The following YBX2 variants were observed in gnomAD, a reference collection of about 807,000 sequenced individuals.
YBX2 encodes Y-box-binding protein 2.
Under a neutral mutation model 44.4 loss-of-function variants are expected in YBX2, and 5 were observed. The ratio of observed to expected loss-of-function variants is 0.11; its 90% CI spans 0.06 to 0.24. The LOEUF is 0.24. Among genes scored for constraint, YBX2 ranks in the 10% least tolerant of loss-of-function variants. The probability of loss-of-function intolerance (pLI) is 1.00; values close to 1 mark genes in which losing one functional copy is unlikely to be tolerated. For missense variants in YBX2, 417 were observed against 526.9 expected (o/e 0.79, Z 2.04); for synonymous variants, 188 against 216.1 (o/e 0.87, Z 1.14).
Position 7,290,532 on chromosome 17 carries a change from C to T in YBX2, c.463G>A (p.Ala155Thr), listed in dbSNP as rs1276886063. The change falls in exon 5 of 9, where the codon GCA becomes ACA. Residue 155 changes from alanine (A) to threonine (T), a missense_variant. By Grantham distance (58) the Ala-to-Thr change is moderately conservative (BLOSUM62 0). Transcript: ENST00000007699. Reference sequence around the variant, plus strand: ...GGCCCAGTTACATTAGTGGCTTCTGCGCCCTGGGAAGGTGGTAAGGGAATA... The same window carrying T: ...GGCCCAGTTACATTAGTGGCTTCTGTGCCCTGGGAAGGTGGTAAGGGAATA... ...EFDVVEGEKG[A>T]EATNVTGPGG... 2 of 1,610,972 alleles carry T rather than the reference C, an allele frequency of 1.2e-6. No individual in the cohort carries two copies. The highest frequency in any genetic ancestry group is 1.7e-4 in the Middle Eastern group (1 of 6,048).
rs375874896 is a variant in YBX2 at position 7,291,069 on chromosome 17, T to C, written c.459+24A>G. ...ACCCTCCCGTAAGCCTAGTCAACTC[T>C]ATACCCCATAGCAGTCCCCAAACCT... On this transcript the variant is annotated intron_variant, in intron 4 of 8. Coordinates refer to ENST00000007699, the MANE Select transcript of YBX2 (RefSeq NM_015982.4). This position sits in a 1 kb window ranked among gnomAD's most constrained non-coding sequence, Gnocchi z 5.8. 3.7e-6 allele frequency: 6 copies of C among 1,611,024 alleles called. No individual in the cohort carries two copies. The African/African-American group carries it at 6.7e-5, about 18-fold the overall frequency.
At chr17:7,292,873 G>C (rs745516560) in intron 2 of YBX2, 1 of 161,162 alleles carries the variant, frequency 6.2e-6, no homozygotes, top group Non-Finnish European at 1.4e-5. Flanking sequence ...GAGCCAGGCC[G>C]GGCAGGATGC....
At chr17:7,292,089 G>A in intron 2 of YBX2, 30 bp from the exon 3 acceptor site, 1 of 1,613,916 alleles carries the variant, frequency 6.2e-7, no homozygotes, top group Non-Finnish European at 8.5e-7. Flanking sequence ...GTTAAGGAAG[G>A]GACTTCAACA....
chr17:7,293,704 T>G, intron 1 of YBX2, 166 bp from the exon 2 acceptor site: 1 of 1,358,880 alleles, frequency 7.4e-7, no homozygotes. Flanking sequence ...AAGGTATTCC[T>G]ACCCTAGTCC....
intron 1 of YBX2, chr17:7,293,973 G>A (rs1465846865): frequency 8.6e-6 from 4 of 463,110 alleles, no homozygotes; most frequent in African/African-American, 2.0e-5. Flanking sequence ...CCGCCCGGGG[G>A]CGTGGCCGGA....
Position 7,294,380 on chromosome 17 carries a change from C to A in YBX2, c.121G>T (p.Gly41Cys). 7.0e-7 allele frequency: 1 copy of A among 1,423,348 alleles called. No homozygotes were observed. Among genetic ancestry groups the A allele is most frequent in the Non-Finnish European group, 9.2e-7 (1 of 1,088,476 alleles). 88.2% of individuals were successfully genotyped at this position (1,423,348 alleles called of 1,614,324 possible). A position where few individuals can be genotyped will look rare whatever the true frequency, so the allele number is the denominator to read the frequency against. ...PVPAGEPQKG[G>C]GAGGGGGAAS... ...GCTCCGCCCCCGCCGCCCGCCCCGCCGCCTTTCTGCGGCTCCCCTGCGGGC... is the reference window on the plus strand; with the variant it reads ...GCTCCGCCCCCGCCGCCCGCCCCGCAGCCTTTCTGCGGCTCCCCTGCGGGC... The change falls in exon 1 of 9, where the codon GGC becomes TGC. Residue 41 changes from glycine to cysteine, a missense_variant. Coordinates refer to ENST00000007699, the MANE Select transcript of YBX2 (RefSeq NM_015982.4). This position sits in a 1 kb window ranked among gnomAD's most constrained non-coding sequence, Gnocchi z 4.6.
rs772765672 is a variant in YBX2, at chr17:7,291,051, C to T, written c.459+42G>A. ...TGTGATGACCTCCAGGCCACCCTCCCGTAAGCCTAGTCAACTCTATACCCC... is the reference window on the plus strand; with the variant it reads ...TGTGATGACCTCCAGGCCACCCTCCTGTAAGCCTAGTCAACTCTATACCCC... On this transcript the variant is annotated intron_variant, in intron 4 of 8. Transcript: ENST00000007699. The surrounding 1 kb of genome is among the most constrained non-coding windows in gnomAD (Gnocchi z 5.8). The T allele has an allele frequency of 6.9e-6, 11 of 1,601,006 alleles. No individual in the cohort carries two copies. The highest frequency in any genetic ancestry group is 3.3e-5 in the Admixed American group (2 of 59,984).
chr17:7,289,074 C>T (rs1330359021), intron 7 of YBX2, among the ~76,000 whole-genome samples: 1 of 152,132 alleles, frequency 6.6e-6, no homozygotes, highest in Non-Finnish European at 1.5e-5. Context: ...GTTGGTCAGG[C>T]TGGTCTTGAA....
chr17:7,293,262 T>TC (rs2072514676), intron 2 of YBX2: 2 of 782,820 alleles, frequency 2.6e-6, no homozygotes, highest in Non-Finnish European at 4.0e-6. Context: ...AGTTCCTGAA[T>TC]CATTAATCCT....
intron 1 of YBX2, chr17:7,293,970 G>C: frequency 2.2e-6 from 1 of 463,410 alleles, no homozygotes; most frequent in Non-Finnish European, 3.7e-6. Context: ...GTCCCGCCCG[G>C]GGGCGTGGCC....
chr17:7,289,900 C>T (rs2143005527), intron 6 of YBX2, 68 bp downstream of exon 6: 2 of 1,602,742 alleles, frequency 1.2e-6, no homozygotes, highest in Non-Finnish European at 8.5e-7. Flanking sequence ...CCCTTCCATC[C>T]TCCTGTCCCT....
Position 7,294,339 on chromosome 17 carries a change from A to C in YBX2, c.162T>G (p.Ala54=), listed in dbSNP as rs1213132609. Residue 54 remains alanine, a synonymous_variant, in exon 1 of 9, where the codon GCT becomes GCG. Transcript: ENST00000007699. This position sits in a 1 kb window ranked among gnomAD's most constrained non-coding sequence, Gnocchi z 4.6. The part of the protein sequence containing the change: ...GGGGGAASGP[A]AGTPSAPGSR... ...AGCCCGGCGCCGAGGGGGTCCCAGC[A>C]GCGGGGCCCGAGGCGGCTCCGCCCC... 7.5e-7 allele frequency: 1 copy of C among 1,324,728 alleles called. No homozygotes were observed. The highest frequency in any genetic ancestry group is 1.5e-5 in the African/African-American group (1 of 64,942). 82.1% of individuals were successfully genotyped at this position (1,324,728 alleles called of 1,614,324 possible).
At position 7,292,075 on chromosome 17, in the gene YBX2, G is replaced by A. The variant is rs2072505160; in HGVS notation, c.336-16C>T. On this transcript the variant is annotated splice_polypyrimidine_tract_variant and intron_variant, in intron 2 of 8. Coordinates refer to ENST00000007699, the MANE Select transcript of YBX2 (RefSeq NM_015982.4). ...GGTGTCATTCCTGCAGAACAGGATG[G>A]GTCGTTAAGGAAGGGACTTCAACAA... 6.2e-7 allele frequency: 1 copy of A among 1,613,900 alleles called. No homozygotes were observed. The highest frequency in any genetic ancestry group is 1.7e-5 in the Admixed American group (1 of 59,988).
rs757988859 is a variant in YBX2, at chr17:7,290,063, G to T, written c.753C>A (p.Asp251Glu). The T allele has an allele frequency of 6.2e-7, 1 of 1,614,130 alleles. No individual in the cohort carries two copies. Among genetic ancestry groups the T allele is most frequent in the Non-Finnish European group, 8.5e-7 (1 of 1,180,038 alleles). Residue 251 changes from aspartate to glutamate, a missense_variant, in exon 6 of 9, where the codon GAC (aspartate) becomes GAA (glutamate). Physicochemically the swap from Asp to Glu is conservative, Grantham distance 45. Around this residue, in one of 3 missense-constraint regions of YBX2, gnomAD observed 257 missense variants for 261.7 expected, o/e 0.98. Coordinates refer to ENST00000007699, the MANE Select transcript of YBX2 (RefSeq NM_015982.4). ...PNQQQPIEGT[D>E]RVEPKETAPL... The stretch of plus-strand genomic sequence containing the variant: ...GGGCTGTCTCTTTGGGTTCTACCCT[G>T]TCAGTGCCCTGGGAACATGCAAAGG...
chr17:7,291,998 C>T lies in YBX2; in HGVS notation c.369+28G>A, dbSNP rs1194863438. On this transcript the variant is annotated intron_variant, in intron 3 of 8. Transcript: ENST00000007699. This position sits in a 1 kb window ranked among gnomAD's most constrained non-coding sequence, Gnocchi z 5.8. ...AGGCCTTCAAAGACGGCCGGTTCTT[C>T]CCCTCAGAAAGCTAACCTAGCTCTT... The T allele has an allele frequency of 4.3e-6, 7 of 1,614,102 alleles. No homozygotes were observed. Among genetic ancestry groups the T allele is most frequent in the Middle Eastern group, 1.6e-4 (1 of 6,062 alleles).
At position 7,294,024 on chromosome 17, in the gene YBX2, C is replaced by T. The variant is rs1427924490; in HGVS notation, c.271+206G>A. The T allele has an allele frequency of 1.7e-6, 1 of 579,198 alleles. No individual in the cohort carries two copies. Among genetic ancestry groups the T allele is most frequent in the Non-Finnish European group, 2.6e-6 (1 of 389,018 alleles). The allele number at this position is 579,198 out of a possible 1,614,324, so 35.9% of individuals were successfully genotyped here. ...CTCCACCCCAAGACCTTAGCTGAAC[C>T]TGCCGGCCCCGCCCTCTCTCCCAGG... is the stretch of plus-strand genomic sequence containing the variant. On this transcript the variant is annotated intron_variant, in intron 1 of 8. Transcript: ENST00000007699. This position sits in a 1 kb window ranked among gnomAD's most constrained non-coding sequence, Gnocchi z 4.6.
At chr17:7,292,423 C>G (rs1295032997) in intron 2 of YBX2, 2 of 291,126 alleles carry the variant, frequency 6.9e-6, no homozygotes, top group Non-Finnish European at 1.3e-5. Flanking sequence ...GCCAACACCC[C>G]CTCCCCCAAC....
chr17:7,291,949 G>T lies in YBX2; in HGVS notation c.369+77C>A. 6.4e-7 allele frequency: 1 copy of T among 1,568,636 alleles called. No homozygotes were observed. ...AGAAGAGCCAGAGAAACATGGCGGA[G>T]CGCACTGCTAAGGATTACAGCAAAG... On this transcript the variant is annotated intron_variant, in intron 3 of 8. Transcript: ENST00000007699. The surrounding 1 kb of genome is among the most constrained non-coding windows in gnomAD (Gnocchi z 5.8).
intron 1 of YBX2, 155 bp from the exon 2 acceptor site, chr17:7,293,693 C>G: frequency 7.0e-7 from 1 of 1,428,366 alleles, no homozygotes; most frequent in South Asian, 1.3e-5. Context: ...CTAGTAGCTT[C>G]AAGGTATTCC....
Sources: gnomAD v4.1 joint callset for allele counts (sites outside exome capture counted in the v4.1 genomes callset) on GRCh38, gnomAD v4.1.1 for gene constraint, gnomAD v4.1.1 regional missense constraint, Gnocchi (gnomAD v3.1) non-coding constraint, MANE v1.5 for transcripts, NCBI Gene and HGNC (gene_info 2026-07-23, HGNC 2026-07-21) for gene names.